Variants in OBSL1 observed in about 807,000 individuals in gnomAD.
OBSL1 encodes the protein obscurin like cytoskeletal adaptor 1, also known as obscurin-like protein 1.
OBSL1 carries 160 observed loss-of-function variants against 172.0 expected under a neutral mutation model. That is an observed-to-expected ratio of 0.93 (90% CI 0.82 to 1.06). OBSL1 has a LOEUF of 1.06. Ranked by LOEUF, OBSL1 falls within the 50% of genes least tolerant of loss-of-function variation. The pLI, the probability that OBSL1 is intolerant of heterozygous loss-of-function variation, is 0.00. For missense variants in OBSL1, 2,681 were observed against 2,715.4 expected (o/e 0.99, Z 0.28); for synonymous variants, 1,200 against 1,196.3 (o/e 1.00, Z -0.06).
chr2:219,547,583 C>G (rs753064498), downstream of OBSL1: 33 of 1,470,642 alleles, frequency 2.2e-5, 1 homozygote, highest in South Asian at 4.4e-4. Context: ...CCTCTGCTAC[C>G]GAGAGCGGGT....
In OBSL1 at chr2:219,556,635, T is replaced by A; in HGVS notation, c.4155A>T (p.Pro1385=). Residue 1385 remains proline, a synonymous_variant, in exon 13 of 21, where the codon CCA becomes CCT. Transcript: ENST00000404537. ...GCAGCCAGGTGACATCGGCATCTGG[T>A]GGGGAGACTTCACACCGGAACGTGG... ...DDATFRCEVS[P]PDADVTWLRN... is the part of the protein sequence containing the mutation. 6.2e-7 allele frequency: 1 copy of A among 1,613,810 alleles called. No homozygotes were observed. The highest frequency in any genetic ancestry group is 2.2e-5 in the East Asian group (1 of 44,864).
rs1447060293 is a variant in OBSL1, at chr2:219,568,904, G to T, written c.1013-580C>A. On this transcript the variant is annotated intron_variant, in intron 1 of 20. Transcript: ENST00000404537. This position sits in a 1 kb window ranked among gnomAD's most constrained non-coding sequence, Gnocchi z 4.1. ...TGGGATTACAGGCAGGCGCCACCAC[G>T]CCTGGCTAATGATTTTGTATTTTTA... Among the ~76,000 whole-genome samples the T allele has an allele frequency of 1.3e-5, 2 of 151,740 alleles. No individual in the cohort carries two copies. The highest frequency in any genetic ancestry group is 1.3e-4 in the Admixed American group (2 of 15,234).
Position 219,568,189 on chromosome 2 carries a change from C to G in OBSL1, c.1148G>C (p.Cys383Ser). 1 of 1,612,672 alleles carries G rather than the reference C, an allele frequency of 6.2e-7. No homozygotes were observed. Residue 383 changes from cysteine to serine, a missense_variant, in exon 2 of 21, where the codon TGC becomes TCC. Cys to Ser is a moderately radical substitution (Grantham distance 112). Transcript: ENST00000404537. This position sits in a 1 kb window ranked among gnomAD's most constrained non-coding sequence, Gnocchi z 4.1. ...CTCTTCGATCTGCTCGTACTTGCGG[C>G]AGGGCAGCAGCCGCTGGTCCTCACG... ...WFREDQRLLP[C>S]RKYEQIEEGT... is the part of the protein sequence containing the mutation.
chr2:219,556,945 T>C (rs1307534278), intron 12 of OBSL1: 2 of 542,538 alleles, frequency 3.7e-6, no homozygotes, highest in African/African-American at 3.8e-5. Context: ...CCCACCTTGG[T>C]GGCACCCTAA....
At position 219,552,910 on chromosome 2, in the gene OBSL1, C is replaced by G. The variant is rs1269480568; in HGVS notation, c.5104G>C (p.Val1702Leu). 6 of 1,540,198 alleles carry G rather than the reference C, an allele frequency of 3.9e-6. No individual in the cohort carries two copies. Among genetic ancestry groups the G allele is most frequent in the Non-Finnish European group, 5.2e-6 (6 of 1,145,258 alleles). The change falls in exon 17 of 21, where the codon GTG becomes CTG. Residue 1702 changes from valine (V) to leucine (L), a missense_variant. Coordinates refer to ENST00000404537, the MANE Select transcript of OBSL1 (RefSeq NM_015311.3). ...ACCGGTCCGGCGCGGGCCGTCCCCA[C>G]CGCGCAGCTGTAGGTCCCGGCGTCC... ...PSDAGTYSCA[V>L]GTARAGPVRL...
At chr2:219,549,742 G>A (rs756204037), downstream of OBSL1, 13 of 1,613,796 alleles carry the variant, frequency 8.1e-6, no homozygotes, top group South Asian at 8.8e-5. Context: ...TTCCGAGACC[G>A]GCAGACCGGG....
At chr2:219,549,351 C>T (rs755686219), downstream of OBSL1, 1 of 1,611,514 alleles carries the variant, frequency 6.2e-7, no homozygotes, top group Admixed American at 1.7e-5. Context: ...ACGTCCTCTC[C>T]CCGGTGAGCT....
rs763078107 is a variant in OBSL1 at position 219,562,501 on chromosome 2, C to G, written c.2854G>C (p.Val952Leu). 2.5e-6 allele frequency: 4 copies of G among 1,613,888 alleles called. No homozygotes were observed. In the South Asian group the frequency reaches 4.4e-5, roughly 18 times the overall value. ...PALLLQKEDT[V>L]RRLVLPAVQL... ...ACAGCGGGCAGCACCAGGCGGCGGACAGTGTCTTCCTTCTGCAGGAGCAGC... is the reference window on the plus strand; with the variant it reads ...ACAGCGGGCAGCACCAGGCGGCGGAGAGTGTCTTCCTTCTGCAGGAGCAGC... The change falls in exon 8 of 21, where the codon GTC becomes CTC. Residue 952 changes from valine (V) to leucine (L), a missense_variant. By Grantham distance (32) the Val-to-Leu change is conservative. Around this residue, in one of 5 missense-constraint regions of OBSL1, gnomAD observed 1,765 missense variants for 1,748.3 expected, o/e 1.01. Transcript: ENST00000404537.
At chr2:219,547,535 C>A (rs1489002190), downstream of OBSL1, 2 of 1,454,082 alleles carry the variant, frequency 1.4e-6, no homozygotes, top group Non-Finnish European at 1.8e-6. Context: ...AGTGCTCTTT[C>A]TCACTGGGTT....
At chr2:219,548,178 G>A (rs138429757), downstream of OBSL1, 782 of 1,161,278 alleles carry the variant, frequency 6.7e-4, 9 homozygotes, top group East Asian at 0.018. Flanking sequence ...GCAGCAGAAG[G>A]CCTCGATGGC....
At chr2:219,560,339 T>G (rs1235660785) in intron 8 of OBSL1, among the ~76,000 whole-genome samples, 4 of 152,156 alleles carry the variant, frequency 2.6e-5, no homozygotes, top group Admixed American at 2.6e-4. Flanking sequence ...CAGTAATGCT[T>G]TTTGCATTCA....
downstream of OBSL1, chr2:219,549,749 C>T (rs780003867): frequency 1.9e-5 from 31 of 1,613,392 alleles, no homozygotes; most frequent in East Asian, 2.2e-4. Context: ...ACCGGCAGAC[C>T]GGGAGCTCCC....
rs1209754243 is a variant in OBSL1, at chr2:219,571,056, G to A, written c.177C>T (p.Ser59=). 3.4e-6 allele frequency: 5 copies of A among 1,461,680 alleles called. No homozygotes were observed. Among genetic ancestry groups the A allele is most frequent in the Non-Finnish European group, 3.6e-6 (4 of 1,109,344 alleles). The allele number at this position is 1,461,680 out of a possible 1,614,324, so 90.5% of individuals were successfully genotyped here. A position where few individuals can be genotyped will look rare whatever the true frequency, so the allele number is the denominator to read the frequency against. The part of the protein sequence containing the change: ...GQQLAASERL[S]FPADGAEHGL... Reference sequence around the variant, plus strand: ...CGTGCTCCGCGCCGTCCGCCGGGAAGCTCAGGCGTTCCGAGGCCGCCAGCT... The same window carrying A: ...CGTGCTCCGCGCCGTCCGCCGGGAAACTCAGGCGTTCCGAGGCCGCCAGCT... Residue 59 remains serine, a synonymous_variant, in exon 1 of 21, where the codon AGC becomes AGT. Transcript: ENST00000404537.
Position 219,558,083 on chromosome 2 carries a change from T to G in OBSL1, c.3530A>C (p.Glu1177Ala). 1 of 1,613,710 alleles carries G rather than the reference T, an allele frequency of 6.2e-7. No homozygotes were observed. Among genetic ancestry groups the G allele is most frequent in the Non-Finnish European group, 8.5e-7 (1 of 1,179,830 alleles). The change falls in exon 11 of 21, where the codon GAG (glutamate) becomes GCG (alanine). Residue 1177 changes from glutamate (E) to alanine (A), a missense_variant. By Grantham distance (107) the Glu-to-Ala change is moderately radical (BLOSUM62 -1). Coordinates refer to ENST00000404537, the MANE Select transcript of OBSL1 (RefSeq NM_015311.3). ...AEPPVQFLAL[E>A]TTPSPLCVAP... ...CACACAGAGCGGGCTTGGAGTTGTCTCTAGAGCAAGGAACTGCACTGGAGG... is the reference window on the plus strand; with the variant it reads ...CACACAGAGCGGGCTTGGAGTTGTCGCTAGAGCAAGGAACTGCACTGGAGG...
In OBSL1 at chr2:219,570,642, C is replaced by T; in HGVS notation, c.591G>A (p.Leu197=). 6.6e-7 allele frequency: 1 copy of T among 1,509,658 alleles called. No homozygotes were observed. 93.5% of individuals were successfully genotyped at this position (1,509,658 alleles called of 1,614,324 possible). The change falls in exon 1 of 21, where the codon CTG becomes CTA. Residue 197 remains leucine (L), a synonymous_variant. Coordinates refer to ENST00000404537, the MANE Select transcript of OBSL1 (RefSeq NM_015311.3). ...CGCCGGAATCCGGCAGCCGAGCCGC[C>T]AGGATGCGCAGTGCCAGGCTCGCGC... ...GPGASLALRI[L]AARLPDSGVY... is the part of the protein sequence containing the mutation.
rs1422950559 is a variant in OBSL1, at chr2:219,567,875, T to G, written c.1377A>C (p.Gly459=). 1.9e-6 allele frequency: 3 copies of G among 1,613,884 alleles called. No individual in the cohort carries two copies. The East Asian group carries it at 6.7e-5, about 36-fold the overall frequency. Residue 459 remains glycine (G), a synonymous_variant, in exon 3 of 21, where the codon GGA becomes GGC. Coordinates refer to ENST00000404537, the MANE Select transcript of OBSL1 (RefSeq NM_015311.3). Reference sequence around the variant, plus strand: ...GCTCCTCCCCATCACGGCTCCAGCGTCCCTCGACCCCGGCCTCTAGAGTTT... The same window carrying G: ...GCTCCTCCCCATCACGGCTCCAGCGGCCCTCGACCCCGGCCTCTAGAGTTT... ...LVETLEAGVE[G]RWSRDGEELP...
At chr2:219,548,997 AG>A (rs1695461164), downstream of OBSL1, 15 of 741,922 alleles carry the variant, frequency 2.0e-5, no homozygotes, top group East Asian at 3.9e-4. Flanking sequence ...TCTGAGAGGT[AG>A]GAGACCAGGA....
At chr2:219,566,372 C>CT (rs371187625) in intron 5 of OBSL1, among the ~76,000 whole-genome samples, 30 of 150,176 alleles carry the variant, frequency 2.0e-4, no homozygotes, top group African/African-American at 6.7e-4. Context: ...GAGTGAGACT[C>CT]TATCTCAAAA....
intron 12 of OBSL1, chr2:219,557,024 A>C (rs1269875887): frequency 2.1e-6 from 1 of 484,140 alleles, no homozygotes; most frequent in Admixed American, 3.6e-5. Flanking sequence ...GAAAAGCACT[A>C]TCCCCTCTTT....
Sources: allele counts gnomAD v4.1 joint callset (sites outside exome capture counted in the v4.1 genomes callset), GRCh38; gene constraint gnomAD v4.1.1; regional missense constraint gnomAD v4.1.1; non-coding constraint Gnocchi (gnomAD v3.1); transcripts MANE v1.5; gene names NCBI Gene and HGNC (gene_info 2026-07-23, HGNC 2026-07-21).